The following NPHP1 variants were observed in gnomAD, a reference collection of about 807,000 sequenced individuals.
NPHP1 encodes the protein nephrocystin 1.
In NPHP1, 70 loss-of-function variants were observed where a neutral mutation model predicts 90.4. The observed-to-expected ratio is 0.77, with a 90% CI of 0.64 to 0.95. The LOEUF (loss-of-function observed/expected upper bound fraction) is 0.95, where lower values mean the gene tolerates loss of function less well. Ranked by LOEUF, NPHP1 falls within the 40% of genes least tolerant of loss-of-function variation. The pLI is 0.00. For missense variants in NPHP1, 764 were observed against 795.9 expected, an observed-to-expected ratio of 0.96 and a Z score of 0.48; for synonymous variants, 256 against 271.7, an observed-to-expected ratio of 0.94 and a Z score of 0.57.
In NPHP1 at chr2:110,160,236, C is replaced by A; in HGVS notation, c.974G>T (p.Arg325Leu). ...CCATAATGTCAGAATCAATGAAATA[C>A]GACTTGGTCTCGACCTAATCTGAAA... is the stretch of plus-strand genomic sequence containing the variant. ...TEGTIRSRPS[R>L]ISLILTLWSC... The change falls in exon 11 of 20, where the codon CGT (arginine) becomes CTT (leucine). Residue 325 changes from arginine to leucine, a missense_variant. Physicochemically the swap from Arg to Leu is moderately radical, Grantham distance 102. Transcript: ENST00000445609. 6.2e-7 allele frequency: 1 copy of A among 1,610,658 alleles called. No individual in the cohort carries two copies. The highest frequency in any genetic ancestry group is 1.7e-4 in the Middle Eastern group (1 of 6,048).
chr2:110,140,035 T>C (rs1443496302), intron 16 of NPHP1, among the ~76,000 whole-genome samples: 2 of 146,606 alleles, frequency 1.4e-5, no homozygotes, highest in African/African-American at 5.0e-5. Context: ...CCCCGCCCCC[T>C]GACTACAGCC....
At chr2:110,174,780 G>A (rs1574150370) in intron 4 of NPHP1, among the ~76,000 whole-genome samples, 1 of 147,802 alleles carries the variant, frequency 6.8e-6, no homozygotes, top group East Asian at 2.0e-4. Context: ...TCCCTTTTTT[G>A]CAGTCTATTT....
chr2:110,139,609 A>C (rs1289138955), intron 16 of NPHP1, among the ~76,000 whole-genome samples: 3 of 152,220 alleles, frequency 2.0e-5, no homozygotes, highest in Non-Finnish European at 2.9e-5. Context: ...AGGGCAGTGT[A>C]AAGCCAAACA....
intron 12 of NPHP1, among the ~76,000 whole-genome samples, chr2:110,149,746 C>T (rs368404148): frequency 1.3e-5 from 2 of 152,140 alleles, no homozygotes; most frequent in East Asian, 1.9e-4. Flanking sequence ...GTCCTCCCTA[C>T]GTCTATGCAA....
At chr2:110,199,163 A>G (rs1186639508) in intron 2 of NPHP1, among the ~76,000 whole-genome samples, 4 of 152,122 alleles carry the variant, frequency 2.6e-5, no homozygotes, top group Non-Finnish European at 4.4e-5. Context: ...ATGGCCAGGC[A>G]CGGTGGCTCA....
intron 1 of NPHP1, 109 bp downstream of exon 1, chr2:110,204,791 T>C (rs910276619): frequency 6.1e-6 from 7 of 1,139,858 alleles, no homozygotes; most frequent in African/African-American, 4.6e-5. Flanking sequence ...GGTAAGTAGG[T>C]TGGGGGCAAG....
At chr2:110,184,641 C>T in intron 2 of NPHP1, 1 of 824,642 alleles carries the variant, frequency 1.2e-6, no homozygotes, top group Non-Finnish European at 2.1e-6. Context: ...CTTCCTGCAC[C>T]TCTACCTGCA....
intron 16 of NPHP1, among the ~76,000 whole-genome samples, chr2:110,140,028 C>T (rs1411310993): frequency 2.0e-5 from 3 of 152,068 alleles, no homozygotes; most frequent in African/African-American, 7.2e-5. Context: ...AGCCCCACCC[C>T]GCCCCCTGAC....
chr2:110,204,654 T>G (rs1456215794), intron 1 of NPHP1, among the ~76,000 whole-genome samples: 1 of 151,960 alleles, frequency 6.6e-6, no homozygotes, highest in African/African-American at 2.4e-5. Flanking sequence ...GAGGGGGCGC[T>G]TAGTTGATGG....
intron 2 of NPHP1, chr2:110,184,813 C>A: frequency 1.4e-6 from 1 of 707,650 alleles, no homozygotes; most frequent in Non-Finnish European, 2.7e-6. Context: ...TGCCTGATGG[C>A]AGCACCATTG....
intron 13 of NPHP1, among the ~76,000 whole-genome samples, chr2:110,147,385 G>A (rs1681137130): frequency 6.6e-6 from 1 of 151,942 alleles, no homozygotes; most frequent in African/African-American, 2.4e-5. Context: ...TCTCTGTAAC[G>A]CTCTCTGGGT....
Position 110,179,638 on chromosome 2 carries a change from GA to G in NPHP1, c.189del (p.Gln64LysfsTer3). 1 of 1,362,428 alleles carries G rather than the reference GA, an allele frequency of 7.3e-7. No individual in the cohort carries two copies. Among genetic ancestry groups the G allele is most frequent in the Admixed American group, 1.7e-5 (1 of 58,838 alleles). The allele number at this position is 1,362,428 out of a possible 1,614,324, so 84.4% of individuals were successfully genotyped here. A position where few individuals can be genotyped will look rare whatever the true frequency, so the allele number is the denominator to read the frequency against. On this transcript the variant is annotated frameshift_variant, in exon 3 of 20. Coordinates refer to ENST00000445609, the MANE Select transcript of NPHP1 (RefSeq NM_001128178.3). LOFTEE classifies it high-confidence loss of function. ...KQAIDENKNA[L>X]QKLSKADESA... Reference sequence around the variant, plus strand: ...TCAATACTTACTTTGCTTAATTTTTGAAGAGCATTTTTATTTTCATCTATTG... The same window carrying G: ...TCAATACTTACTTTGCTTAATTTTTGAGAGCATTTTTATTTTCATCTATTG...
chr2:110,149,115 A>G (rs146078910), intron 12 of NPHP1, among the ~76,000 whole-genome samples: 15 of 152,194 alleles, frequency 9.9e-5, no homozygotes, highest in African/African-American at 1.9e-4. Flanking sequence ...CACAGGGCCT[A>G]GCACACAGTT....
At chr2:110,161,486 C>A in intron 10 of NPHP1, 117 bp downstream of exon 10, 2 of 692,284 alleles carry the variant, frequency 2.9e-6, no homozygotes, top group Admixed American at 2.6e-5. Flanking sequence ...TCAAAATTAT[C>A]ATAAACAATT....
chr2:110,128,820 G>A (rs1679556082), intron 18 of NPHP1: 1 of 277,986 alleles, frequency 3.6e-6, no homozygotes, highest in African/African-American at 2.2e-5. Context: ...CAGCACACAT[G>A]GAATTAAAGA....
At chr2:110,130,912 G>A (rs1221924060) in intron 17 of NPHP1, among the ~76,000 whole-genome samples, 4 of 152,110 alleles carry the variant, frequency 2.6e-5, no homozygotes, top group Non-Finnish European at 5.9e-5. Flanking sequence ...ATTTCAAAAG[G>A]GTGGAGAGGA....
chr2:110,130,192 A>G (rs992285672), intron 17 of NPHP1, among the ~76,000 whole-genome samples: 6 of 152,330 alleles, frequency 3.9e-5, no homozygotes, highest in East Asian at 3.9e-4. Flanking sequence ...ATACCATTAC[A>G]TTGGTAACAT....
At chr2:110,196,720 C>T (rs1685192641) in intron 2 of NPHP1, among the ~76,000 whole-genome samples, 1 of 152,144 alleles carries the variant, frequency 6.6e-6, no homozygotes, top group African/African-American at 2.4e-5. Context: ...TTTATTGTGG[C>T]ACTATTCACA....
intron 8 of NPHP1, chr2:110,164,459 A>G: frequency 1.2e-6 from 1 of 825,054 alleles, no homozygotes; most frequent in Non-Finnish European, 2.1e-6. Flanking sequence ...TCCTCAAGTG[A>G]CACCATGAAT....
Sources: gnomAD v4.1 joint callset for allele counts (sites outside exome capture counted in the v4.1 genomes callset) on GRCh38, gnomAD v4.1.1 for gene constraint, MANE v1.5 for transcripts, NCBI Gene and HGNC (gene_info 2026-07-23, HGNC 2026-07-21) for gene names.